ACADM: variants seen among roughly 807,000 people sequenced by gnomAD.
The protein encoded by ACADM is medium-chain specific acyl-CoA dehydrogenase, mitochondrial.
ACADM carries 49 observed loss-of-function variants against 58.9 expected under a neutral mutation model. The observed-to-expected ratio is 0.83, with a 90% confidence interval of 0.66 to 1.06. The LOEUF (loss-of-function observed/expected upper bound fraction) is 1.06. ACADM is among the 50% of genes least tolerant of loss of function. ACADM has a pLI of 0.00. For missense variants in ACADM, 496 were observed against 507.0 expected (o/e 0.98, Z 0.21); for synonymous variants, 160 against 157.7 (o/e 1.01, Z -0.11).
intron 6 of ACADM, among the ~76,000 whole-genome samples, chr1:75,739,261 A>T (rs1647434796): frequency 6.6e-6 from 1 of 152,214 alleles, no homozygotes; most frequent in African/African-American, 2.4e-5. Context: ...TTTCACACAT[A>T]GAGTTGCAGT....
chr1:75,760,466 G>A lies in ACADM; in HGVS notation c.946-656G>A, dbSNP rs1226924685. On this transcript the variant is annotated intron_variant, in intron 10 of 11. Coordinates refer to ENST00000370841, the MANE Select transcript of ACADM (RefSeq NM_000016.6). ...TCCCAGCTACTTTGGGGGCTGAGGC[G>A]GGAGGGTCGTTGAGGCTGCAGTGAT... Among the ~76,000 whole-genome samples the A allele has an allele frequency of 2.8e-5, 4 of 144,712 alleles. No homozygotes were observed. In the East Asian group the frequency reaches 6.1e-4, roughly 22 times the overall value. 94.9% of individuals were successfully genotyped at this position (144,712 alleles called of 152,430 possible). A position where few individuals can be genotyped will look rare whatever the true frequency, so the allele number is the denominator to read the frequency against.
intron 11 of ACADM, 49 bp from the exon 12 acceptor site, chr1:75,762,643 G>A (rs770825112): frequency 8.7e-7 from 1 of 1,155,508 alleles, no homozygotes; most frequent in South Asian, 1.2e-5. Flanking sequence ...ATAAATCAAA[G>A]TATTTATGTA....
At chr1:75,744,872 G>C in intron 7 of ACADM, 1 of 391,706 alleles carries the variant, frequency 2.6e-6, no homozygotes, top group Admixed American at 3.7e-5. Flanking sequence ...AATAAAATTA[G>C]TTTTGGGAAA....
chr1:75,742,153 C>T (rs187028991), intron 7 of ACADM, among the ~76,000 whole-genome samples: 14 of 151,664 alleles, frequency 9.2e-5, no homozygotes, highest in African/African-American at 3.4e-4. Flanking sequence ...CCCCTTCCCC[C>T]CTCCCCACCC....
chr1:75,737,284 AT>A (rs1647310358), intron 6 of ACADM, among the ~76,000 whole-genome samples: 1 of 42,648 alleles, frequency 2.3e-5, no homozygotes, highest in Non-Finnish European at 4.5e-5. Context: ...ACACAAATAT[AT>A]ATATATATAT....
chr1:75,739,510 TAA>T, intron 6 of ACADM, among the ~76,000 whole-genome samples: 1 of 152,326 alleles, frequency 6.6e-6, no homozygotes, highest in East Asian at 1.9e-4. Flanking sequence ...AATTATATAT[TAA>T]GTGTTTTTAG....
chr1:75,738,339 G>A (rs1489399955), intron 6 of ACADM, among the ~76,000 whole-genome samples: 1 of 151,992 alleles, frequency 6.6e-6, no homozygotes, highest in Admixed American at 6.6e-5. Context: ...TTCTTCCTCA[G>A]CCTCCCAAGT....
At chr1:75,750,329 C>A in intron 9 of ACADM, 122 bp from the exon 10 acceptor site, 1 of 805,872 alleles carries the variant, frequency 1.2e-6, no homozygotes, top group Non-Finnish European at 2.1e-6. Context: ...CTGTTCCCCA[C>A]CAGTTTCTTG....
chr1:75,750,877 T>G (rs1348759228), intron 10 of ACADM: 1 of 380,686 alleles, frequency 2.6e-6, no homozygotes, highest in African/African-American at 2.1e-5. Flanking sequence ...GCCTCCCAAG[T>G]AGTGGGAACT....
Position 75,761,144 on chromosome 1 carries a change from T to C in ACADM, c.968T>C (p.Leu323Pro), listed in dbSNP as rs1272628215. Residue 323 changes from leucine to proline, a missense_variant, in exon 11 of 12, where the codon CTG becomes CCG. Coordinates refer to ENST00000370841, the MANE Select transcript of ACADM (RefSeq NM_000016.6). ...TAGCACCAAGCAATATCATTTATGC[T>C]GGCTGAAATGGCAATGAAAGTTGAA... ...LVEHQAISFM[L>P]AEMAMKVELA... 2 of 1,613,978 alleles carry C rather than the reference T, an allele frequency of 1.2e-6. No homozygotes were observed. Among genetic ancestry groups the C allele is most frequent in the Non-Finnish European group, 1.7e-6 (2 of 1,179,932 alleles).
intron 8 of ACADM, among the ~76,000 whole-genome samples, chr1:75,747,708 G>A (rs1647975253): frequency 6.6e-6 from 1 of 152,192 alleles, no homozygotes; most frequent in Non-Finnish European, 1.5e-5. Context: ...GATCACCTAA[G>A]CCCAGGAAGT....
intron 6 of ACADM, among the ~76,000 whole-genome samples, chr1:75,737,292 A>ATATG (rs1197874539): frequency 2.1e-4 from 18 of 84,362 alleles, no homozygotes; most frequent in African/African-American, 7.5e-4. Context: ...ATATATATAT[A>ATATG]TATATATATA....
chr1:75,735,646 A>G (rs1446488684), intron 6 of ACADM, among the ~76,000 whole-genome samples: 1 of 152,070 alleles, frequency 6.6e-6, no homozygotes, highest in African/African-American at 2.4e-5. Flanking sequence ...TGAGGTTAGG[A>G]GTTCGAGACC....
At position 75,729,134 on chromosome 1, in the gene ACADM, T is replaced by G. The variant is rs1473938758; in HGVS notation, c.118+646T>G. On this transcript the variant is annotated intron_variant, in intron 2 of 11. Coordinates refer to ENST00000370841, the MANE Select transcript of ACADM (RefSeq NM_000016.6). Reference sequence around the variant, plus strand: ...AATAGTTAAAGGCAGCTGCGATAACTCACAGCTAGGTACAAATGACAATCT... The same window carrying G: ...AATAGTTAAAGGCAGCTGCGATAACGCACAGCTAGGTACAAATGACAATCT... Among the ~76,000 whole-genome samples, 4 of 152,014 alleles carry G rather than the reference T, an allele frequency of 2.6e-5. No individual in the cohort carries two copies. The East Asian group carries it at 7.7e-4, about 29-fold the overall frequency.
In ACADM at chr1:75,724,782, G is replaced by A. The variant is rs1647020145; in HGVS notation, c.-6G>A. 1.3e-6 allele frequency: 2 copies of A among 1,524,194 alleles called. No homozygotes were observed. Among genetic ancestry groups the A allele is most frequent in the South Asian group, 1.3e-5 (1 of 79,934 alleles). 94.4% of individuals were successfully genotyped at this position (1,524,194 alleles called of 1,614,324 possible). A position where few individuals can be genotyped will look rare whatever the true frequency, so the allele number is the denominator to read the frequency against. ...TATTGTCCGAGTGGCCGGAACGGGAGCCAACATGGCAGCGGGGTTCGGGCG... is the reference window on the plus strand; with the variant it reads ...TATTGTCCGAGTGGCCGGAACGGGAACCAACATGGCAGCGGGGTTCGGGCG... On this transcript the variant is annotated 5_prime_UTR_variant, in exon 1 of 12. Transcript: ENST00000370841.
rs1647873033 is a variant in ACADM, at chr1:75,745,888, AC to A, written c.686del (p.Pro229GlnfsTer10). ...TACTGGATTCATTGTGGAAGCAGAT[AC>A]CCCAGGAATTCAGATTGGGAGAAAG... ...AFTGFIVEADTPGIQIGRKEL... is the reference protein window; with the variant it reads ...AFTGFIVEADXPGIQIGRKEL... On this transcript the variant is annotated frameshift_variant, in exon 8 of 12. Transcript: ENST00000370841. LOFTEE classifies it high-confidence loss of function. The A allele has an allele frequency of 6.2e-7, 1 of 1,613,106 alleles. No individual in the cohort carries two copies. Among genetic ancestry groups the A allele is most frequent in the Non-Finnish European group, 8.5e-7 (1 of 1,179,190 alleles).
At chr1:75,730,793 C>G (rs12067052) in intron 2 of ACADM, among the ~76,000 whole-genome samples, 1 of 152,082 alleles carries the variant, frequency 6.6e-6, no homozygotes, top group Admixed American at 6.6e-5. Flanking sequence ...TCCCAAAATT[C>G]TAGAATTATA....
chr1:75,762,297 G>GA (rs5775306), intron 11 of ACADM, among the ~76,000 whole-genome samples: 56,252 of 146,088 alleles, frequency 0.39, 11,588 homozygotes, highest in African/African-American at 0.56. Flanking sequence ...GGCAGTGGGA[G>GA]AAAAAAAAAA....
chr1:75,751,526 T>C (rs1269829839), intron 10 of ACADM, among the ~76,000 whole-genome samples: 1 of 149,898 alleles, frequency 6.7e-6, no homozygotes, highest in Non-Finnish European at 1.5e-5. Context: ...GGAGACAAAG[T>C]CTTGCTCTGT....
Sources: gnomAD v4.1 joint callset for allele counts (sites outside exome capture counted in the v4.1 genomes callset) on GRCh38, gnomAD v4.1.1 for gene constraint, MANE v1.5 for transcripts, NCBI Gene and HGNC (gene_info 2026-07-23, HGNC 2026-07-21) for gene names.